The following BMPR1B variants were observed in gnomAD, a reference collection of about 807,000 sequenced individuals.
The protein encoded by BMPR1B is bone morphogenetic protein receptor type-1B.
Under a neutral mutation model 59.1 loss-of-function variants are expected in BMPR1B, and 12 were observed. The ratio of observed to expected loss-of-function variants is 0.20; its 90% CI spans 0.13 to 0.33. The LOEUF (loss-of-function observed/expected upper bound fraction) is 0.33. BMPR1B is among the 10% of genes least tolerant of loss of function. BMPR1B has a pLI of 1.00. For missense variants in BMPR1B, 550 were observed against 610.9 expected (o/e 0.90, Z 1.05); for synonymous variants, 237 against 207.3 (o/e 1.14, Z -1.23).
chr4:94,775,745 G>A (rs1489442989), intron 1 of BMPR1B, among the ~76,000 whole-genome samples: 1 of 152,180 alleles, frequency 6.6e-6, no homozygotes, highest in Non-Finnish European at 1.5e-5. Context: ...GATCCAGTTT[G>A]GATTTGAAAG....
chr4:94,779,748 C>T (rs914835587), intron 1 of BMPR1B, among the ~76,000 whole-genome samples: 1 of 151,950 alleles, frequency 6.6e-6, no homozygotes, highest in Non-Finnish European at 1.5e-5. Flanking sequence ...AAGAGAATTG[C>T]TTGAATCTGG....
intron 3 of BMPR1B, among the ~76,000 whole-genome samples, chr4:95,035,201 A>G (rs1012921702): frequency 2.0e-5 from 3 of 151,978 alleles, no homozygotes; most frequent in African/African-American, 4.8e-5. Context: ...TGCATAGTTT[A>G]TGAATATTTT....
intron 3 of BMPR1B, among the ~76,000 whole-genome samples, chr4:95,010,986 A>C (rs550062238): frequency 4.6e-5 from 7 of 151,872 alleles, no homozygotes; most frequent in Non-Finnish European, 1.0e-4. Context: ...GAAAAAACTA[A>C]AAGTTATTTC....
rs553647815 is a variant in BMPR1B at position 94,852,163 on chromosome 4, G to A, written c.-182-23668G>A. Among the ~76,000 whole-genome samples, 4 of 152,272 alleles carry A rather than the reference G, an allele frequency of 2.6e-5. No individual in the cohort carries two copies. In the East Asian group the frequency reaches 7.7e-4, roughly 29 times the overall value. On this transcript the variant is annotated intron_variant, in intron 1 of 12. Coordinates refer to ENST00000515059, the MANE Select transcript of BMPR1B (RefSeq NM_001203.3). ...GTTACTACAAGTGGATTAGGTGTAA[G>A]GAGGTACAGTATTCAGCTGGGATAC...
intron 3 of BMPR1B, among the ~76,000 whole-genome samples, chr4:95,017,951 G>A (rs1723701103): frequency 6.6e-6 from 1 of 152,114 alleles, no homozygotes; most frequent in African/African-American, 2.4e-5. Flanking sequence ...AATTCGGAAG[G>A]TTTCTGTGGG....
At chr4:95,111,492 C>G (rs1401070890) in intron 4 of BMPR1B, among the ~76,000 whole-genome samples, 1 of 152,070 alleles carries the variant, frequency 6.6e-6, no homozygotes, top group Non-Finnish European at 1.5e-5. Flanking sequence ...AAATTGGTTT[C>G]TAACCATTCT....
chr4:94,795,127 G>C (rs1723136798), intron 1 of BMPR1B, among the ~76,000 whole-genome samples: 1 of 144,490 alleles, frequency 6.9e-6, no homozygotes, highest in South Asian at 2.3e-4. Context: ...TCCAGTTTTT[G>C]CCCATTGAGT....
chr4:95,062,812 T>C (rs1727500149), intron 3 of BMPR1B, among the ~76,000 whole-genome samples: 1 of 152,184 alleles, frequency 6.6e-6, no homozygotes, highest in African/African-American at 2.4e-5. Flanking sequence ...GAACCTTCTT[T>C]AGCAGGTAAA....
intron 1 of BMPR1B, among the ~76,000 whole-genome samples, chr4:94,787,231 C>T (rs1447120844): frequency 1.3e-5 from 2 of 152,100 alleles, no homozygotes; most frequent in African/African-American, 4.8e-5. Context: ...GTTTTTTATT[C>T]CCCTGCAGGC....
intron 8 of BMPR1B, 52 bp downstream of exon 8, chr4:95,125,173 G>T: frequency 6.2e-7 from 1 of 1,605,102 alleles, no homozygotes; most frequent in South Asian, 1.1e-5. Context: ...TGAAAGAACT[G>T]TCAATGAATA....
At chr4:95,071,678 A>ATC (rs1159307235) in intron 3 of BMPR1B, among the ~76,000 whole-genome samples, 1 of 145,700 alleles carries the variant, frequency 6.9e-6, no homozygotes, top group Non-Finnish European at 1.5e-5. Context: ...ATATATATAT[A>ATC]TATGAACTCT....
chr4:95,089,963 A>G (rs900107482), intron 3 of BMPR1B, among the ~76,000 whole-genome samples: 4 of 152,088 alleles, frequency 2.6e-5, no homozygotes, highest in Non-Finnish European at 5.9e-5. Context: ...ATACTAGTAA[A>G]ACATCTTACA....
rs149693733 is a variant in BMPR1B, at chr4:95,043,806, A to G, written c.-18+47672A>G. 6.9e-3 allele frequency among the ~76,000 whole-genome samples: 1,052 copies of G among 152,300 alleles called. 8 individuals carry two copies. Among genetic ancestry groups the G allele is most frequent in the Non-Finnish European group, 0.01 (692 of 68,026 alleles). The stretch of plus-strand genomic sequence containing the variant: ...GGAATGAGCTGTGGGGAGGGGCAAC[A>G]ATAAAACACAAACATTAGAAGCCTG... On this transcript the variant is annotated intron_variant, in intron 3 of 12. Transcript: ENST00000515059.
intron 1 of BMPR1B, among the ~76,000 whole-genome samples, chr4:94,762,498 G>T (rs1175378760): frequency 6.6e-6 from 1 of 152,180 alleles, no homozygotes; most frequent in African/African-American, 2.4e-5. Flanking sequence ...CACTAGGGTT[G>T]TCTCTAAAAG....
chr4:94,998,415 C>A (rs780436763), intron 3 of BMPR1B, among the ~76,000 whole-genome samples: 2 of 151,066 alleles, frequency 1.3e-5, no homozygotes, highest in Non-Finnish European at 2.9e-5. Flanking sequence ...ATCTTGTTGC[C>A]CAGGCTGGAG....
chr4:95,133,922 C>A (rs567783033), intron 10 of BMPR1B, among the ~76,000 whole-genome samples: 7 of 151,954 alleles, frequency 4.6e-5, no homozygotes, highest in South Asian at 2.1e-4. Flanking sequence ...TACACGTGCA[C>A]AACGTGCAGG....
chr4:94,823,833 C>T lies in BMPR1B; in HGVS notation c.-182-51998C>T, dbSNP rs528284712. On this transcript the variant is annotated intron_variant, in intron 1 of 12. Coordinates refer to ENST00000515059, the MANE Select transcript of BMPR1B (RefSeq NM_001203.3). ...CATGATTTTGGCTCACTGCAAGCTCCGTCTCCTTGGTTCACACCACTCTCC... is the reference window on the plus strand; with the variant it reads ...CATGATTTTGGCTCACTGCAAGCTCTGTCTCCTTGGTTCACACCACTCTCC... 1.8e-3 allele frequency among the ~76,000 whole-genome samples: 275 copies of T among 152,144 alleles called. 1 individual carries two copies. The highest frequency in any genetic ancestry group is 6.4e-3 in the African/African-American group (266 of 41,504).
chr4:95,029,685 G>T (rs1307666929), intron 3 of BMPR1B, among the ~76,000 whole-genome samples: 1 of 152,184 alleles, frequency 6.6e-6, no homozygotes, highest in East Asian at 1.9e-4. Flanking sequence ...CTGAGGAATC[G>T]CCACACTGAC....
chr4:95,137,737 T>G (rs1733906207), intron 10 of BMPR1B, among the ~76,000 whole-genome samples: 1 of 152,168 alleles, frequency 6.6e-6, no homozygotes, highest in African/African-American at 2.4e-5. Context: ...ACCCCTGCTT[T>G]TTTCTGTTTT....
Sources: gnomAD v4.1 joint callset for allele counts (sites outside exome capture counted in the v4.1 genomes callset) on GRCh38, gnomAD v4.1.1 for gene constraint, MANE v1.5 for transcripts, NCBI Gene and HGNC (gene_info 2026-07-23, HGNC 2026-07-21) for gene names.